The following PIGU variants were observed in gnomAD, a reference collection of about 807,000 sequenced individuals.
PIGU encodes the protein GPI-anchor transamidase component PIGU.
In PIGU, 24 loss-of-function variants were observed where a neutral mutation model predicts 49.9. That is an observed-to-expected ratio of 0.48 (90% CI 0.35 to 0.68). The LOEUF is 0.68. Among genes scored for constraint, PIGU ranks in the 30% least tolerant of loss-of-function variants. The pLI, the probability that PIGU is intolerant of heterozygous loss-of-function variation, is 0.01. For missense variants in PIGU, 490 were observed against 532.6 expected (o/e 0.92, Z 0.79); for synonymous variants, 220 against 205.7 (o/e 1.07, Z -0.59).
chr20:34,582,711 C>T (rs1207198784), intron 9 of PIGU, among the ~76,000 whole-genome samples: 1 of 152,044 alleles, frequency 6.6e-6, no homozygotes, highest in Non-Finnish European at 1.5e-5. Flanking sequence ...GCAATCCTCT[C>T]ACCTGTACTT....
chr20:34,642,903 G>T (rs1007957127), intron 4 of PIGU, among the ~76,000 whole-genome samples: 1 of 151,592 alleles, frequency 6.6e-6, no homozygotes, highest in African/African-American at 2.4e-5. Context: ...GATTACAGGT[G>T]CACACCATCA....
chr20:34,658,841 C>A (rs961554334), intron 1 of PIGU, among the ~76,000 whole-genome samples: 2 of 151,820 alleles, frequency 1.3e-5, no homozygotes, highest in Non-Finnish European at 2.9e-5. Flanking sequence ...GCCCGGCAGC[C>A]ACCCCGTCTG....
intron 7 of PIGU, among the ~76,000 whole-genome samples, chr20:34,608,286 C>T (rs1174143444): frequency 6.6e-6 from 1 of 152,114 alleles, no homozygotes; most frequent in African/African-American, 2.4e-5. Flanking sequence ...GTTGTCCAGG[C>T]TGGTCTGGAA....
At chr20:34,582,066 C>T (rs1300392080) in intron 9 of PIGU, among the ~76,000 whole-genome samples, 1 of 152,166 alleles carries the variant, frequency 6.6e-6, no homozygotes, top group Non-Finnish European at 1.5e-5. Context: ...TTGCCAGAGG[C>T]CCCTCTGACA....
At chr20:34,614,642 A>C (rs962390775) in intron 7 of PIGU, among the ~76,000 whole-genome samples, 8 of 151,766 alleles carry the variant, frequency 5.3e-5, no homozygotes, top group African/African-American at 1.7e-4. Context: ...AAAAAAAAAA[A>C]ATTTCTACGT....
At chr20:34,640,160 C>A (rs532662956) in intron 4 of PIGU, among the ~76,000 whole-genome samples, 1 of 152,160 alleles carries the variant, frequency 6.6e-6, no homozygotes, top group African/African-American at 2.4e-5. Flanking sequence ...GGCAACTACC[C>A]GGGATGTGTA....
chr20:34,672,855 TCA>T (rs1491513408), intron 1 of PIGU, among the ~76,000 whole-genome samples: 47 of 95,256 alleles, frequency 4.9e-4, no homozygotes, highest in South Asian at 3.7e-4. Context: ...ACCCTGTCTC[TCA>T]AAAAAAAAAA....
At chr20:34,562,730 A>T (rs1023210351) in intron 11 of PIGU, among the ~76,000 whole-genome samples, 3 of 152,260 alleles carry the variant, frequency 2.0e-5, no homozygotes, top group Non-Finnish European at 2.9e-5. Flanking sequence ...GATTGGTCAC[A>T]GCGTCAGCAA....
At chr20:34,610,595 A>G (rs989434528) in intron 7 of PIGU, among the ~76,000 whole-genome samples, 1 of 152,228 alleles carries the variant, frequency 6.6e-6, no homozygotes, top group Non-Finnish European at 1.5e-5. Context: ...GTTCATGGAT[A>G]GGAAGAATCA....
rs143626576 is a variant in PIGU at position 34,660,327 on chromosome 20, G to A, written c.131-3083C>T. 7.0e-3 allele frequency among the ~76,000 whole-genome samples: 1,072 copies of A among 152,324 alleles called. 13 individuals carry two copies. The highest frequency in any genetic ancestry group is 0.041 in the Middle Eastern group (12 of 294). On this transcript the variant is annotated intron_variant, in intron 1 of 11. Coordinates refer to ENST00000217446, the MANE Select transcript of PIGU (RefSeq NM_080476.5). ...TTTACATGGGCGGTGGTTCATGCCT[G>A]TAATCCCAGCACTTTGGGAGGCCAA...
chr20:34,666,946 C>T (rs1367716309), intron 1 of PIGU, among the ~76,000 whole-genome samples: 1 of 152,064 alleles, frequency 6.6e-6, no homozygotes, highest in Non-Finnish European at 1.5e-5. Context: ...GATCCACCCG[C>T]CTCGGCCTCC....
At chr20:34,578,501 G>A (rs1293861547) in intron 10 of PIGU, among the ~76,000 whole-genome samples, 1 of 152,212 alleles carries the variant, frequency 6.6e-6, no homozygotes, top group Non-Finnish European at 1.5e-5. Flanking sequence ...CAGCCTGCCA[G>A]ACCAGGTGGT....
intron 2 of PIGU, among the ~76,000 whole-genome samples, chr20:34,647,290 CAG>C (rs1433049713): frequency 2.3e-5 from 3 of 129,646 alleles, no homozygotes; most frequent in Non-Finnish European, 4.8e-5. Flanking sequence ...TTGTTTGAGA[CAG>C]AGTCTTGCTC....
rs1026341375 is a variant in PIGU, at chr20:34,594,044, G to A, written c.628-5437C>T. On this transcript the variant is annotated intron_variant, in intron 7 of 11. Transcript: ENST00000217446. The stretch of plus-strand genomic sequence containing the variant: ...ATACAAAAATTAGCCCTATGTGGTG[G>A]TGCACACCTATAGTCCCAGCTATCA... 4.1e-4 allele frequency among the ~76,000 whole-genome samples: 62 copies of A among 151,910 alleles called. 1 individual carries two copies. The highest frequency in any genetic ancestry group is 1.5e-3 in the African/African-American group (62 of 41,376).
chr20:34,565,550 G>A (rs1431629900), intron 11 of PIGU, among the ~76,000 whole-genome samples: 3 of 151,744 alleles, frequency 2.0e-5, no homozygotes, highest in Non-Finnish European at 4.4e-5. Context: ...GAGCCACCGC[G>A]CCCGGCCGGG....
At chr20:34,593,446 A>G (rs150412323) in intron 7 of PIGU, among the ~76,000 whole-genome samples, 2,093 of 152,302 alleles carry the variant, frequency 0.014, 51 homozygotes, top group African/African-American at 0.048. Context: ...AAAAATCATG[A>G]AGGGGGACTA....
intron 11 of PIGU, chr20:34,562,586 C>T (rs746661563): frequency 2.3e-6 from 3 of 1,285,010 alleles, no homozygotes; most frequent in South Asian, 2.5e-5. Flanking sequence ...GAACAATCCT[C>T]ATCTTAAACA....
At chr20:34,591,785 T>C (rs750222094) in intron 7 of PIGU, among the ~76,000 whole-genome samples, 17 of 152,206 alleles carry the variant, frequency 1.1e-4, no homozygotes, top group Non-Finnish European at 2.1e-4. Flanking sequence ...TAAAACACTT[T>C]TCCAAATAAC....
At chr20:34,647,500 T>A (rs1986395579) in intron 2 of PIGU, among the ~76,000 whole-genome samples, 1 of 151,372 alleles carries the variant, frequency 6.6e-6, no homozygotes, top group Non-Finnish European at 1.5e-5. Flanking sequence ...GACTTTGTGA[T>A]CCACCCGCCT....
Sources: gnomAD v4.1 joint callset for allele counts (sites outside exome capture counted in the v4.1 genomes callset) on GRCh38, gnomAD v4.1.1 for gene constraint, MANE v1.5 for transcripts, NCBI Gene and HGNC (gene_info 2026-07-23, HGNC 2026-07-21) for gene names.